Variants in EIF5A observed in about 807,000 individuals in gnomAD.
The protein encoded by EIF5A is eukaryotic translation initiation factor 5A, also known as eukaryotic translation initiation factor 5A-1.
A neutral mutation model predicts 16.6 loss-of-function variants in EIF5A; 1 was observed. The ratio of observed to expected loss-of-function variants is 0.06; its 90% CI spans 0.02 to 0.28. The LOEUF (loss-of-function observed/expected upper bound fraction) is 0.28, where lower values mean the gene tolerates loss of function less well. Ranked by LOEUF, EIF5A falls within the 10% of genes least tolerant of loss-of-function variation. EIF5A has a pLI of 1.00. For missense variants in EIF5A, 29 were observed against 196.1 expected (o/e 0.15, Z 5.09); for synonymous variants, 80 against 73.6 (o/e 1.09, Z -0.44).
At chr17:7,309,928 G>C (rs770813564) in intron 2 of EIF5A, 128 bp downstream of exon 2, 2 of 1,584,356 alleles carry the variant, frequency 1.3e-6, no homozygotes, top group Non-Finnish European at 1.7e-6. Flanking sequence ...TTTTTGTTTA[G>C]CGCTCAGCCT....
chr17:7,307,255 A>C, upstream of EIF5A: 1 of 1,212,900 alleles, frequency 8.2e-7, no homozygotes, highest in South Asian at 1.7e-5. Context: ...GGGGTTGTTT[A>C]GGATTCCGAA....
At chr17:7,309,492 G>C (rs1375571900) in intron 1 of EIF5A, 123 bp from the exon 2 acceptor site, 1 of 1,325,486 alleles carries the variant, frequency 7.5e-7, no homozygotes, top group Non-Finnish European at 1.0e-6. Context: ...CAGGAACTTT[G>C]ACTTTATTTT....
Position 7,311,717 on chromosome 17 carries a change from CTTAA to C in EIF5A, c.*11+69_*11+72del, listed in dbSNP as rs570486387. ...TTGTCCTCAGCAGAGCTGCTGTAGT[CTTAA>C]TTGTTTCAGGCTTACTTTCTGCCCC... On this transcript the variant is annotated intron_variant, in intron 5 of 5. Coordinates refer to ENST00000336458, the MANE Select transcript of EIF5A (RefSeq NM_001970.5). 1.7e-4 allele frequency: 278 copies of C among 1,595,716 alleles called. No homozygotes were observed. The East Asian group carries it at 2.5e-3, about 14-fold the overall frequency.
intron 1 of EIF5A, chr17:7,308,569 G>C (rs1394041609): frequency 7.4e-7 from 1 of 1,350,856 alleles, no homozygotes; most frequent in African/African-American, 1.5e-5. Flanking sequence ...GTGGCGGTCA[G>C]CCAGGTGTAA....
At chr17:7,307,974 G>C (rs959290164) in intron 1 of EIF5A, 4 of 985,232 alleles carry the variant, frequency 4.1e-6, no homozygotes, top group Non-Finnish European at 4.8e-6. Flanking sequence ...GACGCAGGGC[G>C]GGGGACGGCG....
intron 5 of EIF5A, 68 bp from the exon 6 acceptor site, chr17:7,311,754 G>A (rs1322368550): frequency 1.4e-6 from 2 of 1,428,712 alleles, no homozygotes; most frequent in East Asian, 2.4e-5. Context: ...CCCTAGCCTG[G>A]CTCTGTCCTC....
chr17:7,309,609 C>T lies in EIF5A; in HGVS notation c.-21-6C>T. The T allele has an allele frequency of 1.9e-6, 3 of 1,614,092 alleles. No homozygotes were observed. The highest frequency in any genetic ancestry group is 1.1e-5 in the South Asian group (1 of 91,086). ...TTATTCACTTCAGTTCTCTTCTTGG[C>T]TCTAGTTGGAATCGAAGCCTCTTAA... On this transcript the variant is annotated splice_region_variant and splice_polypyrimidine_tract_variant and intron_variant, in intron 1 of 5. Transcript: ENST00000336458.
At chr17:7,307,007 A>AGC, upstream of EIF5A, 1 of 1,545,700 alleles carries the variant, frequency 6.5e-7, no homozygotes, top group South Asian at 1.2e-5. Flanking sequence ...CGACCACACT[A>AGC]GCGCGCTAGA....
chr17:7,311,338 A>G lies in EIF5A; in HGVS notation c.271-12A>G, dbSNP rs761412582. ...CCTACTACCTTCAGCCTCCTTCCCT[A>G]TCTGCCCCCAGCTGATTGGCATCCA... On this transcript the variant is annotated splice_polypyrimidine_tract_variant and intron_variant, in intron 3 of 5. Coordinates refer to ENST00000336458, the MANE Select transcript of EIF5A (RefSeq NM_001970.5). 5 of 1,613,876 alleles carry G rather than the reference A, an allele frequency of 3.1e-6. No individual in the cohort carries two copies. In the African/African-American group the frequency reaches 4.0e-5, roughly 13 times the overall value.
In EIF5A at chr17:7,311,663, A is replaced by G; in HGVS notation, c.*11+12A>G. On this transcript the variant is annotated intron_variant, in intron 5 of 5. Transcript: ENST00000336458. The stretch of plus-strand genomic sequence containing the variant: ...TAACTGGCTCCCAGGTGAGTGTGAC[A>G]AATCCCTCACTGTCCCCTTCACATT... 7 of 1,613,986 alleles carry G rather than the reference A, an allele frequency of 4.3e-6. No individual in the cohort carries two copies. The highest frequency in any genetic ancestry group is 5.9e-6 in the Non-Finnish European group (7 of 1,180,022).
chr17:7,307,098 G>A (rs1243801208), upstream of EIF5A: 2 of 1,601,544 alleles, frequency 1.2e-6, no homozygotes, highest in Non-Finnish European at 8.5e-7. Context: ...ACCCCACAGA[G>A]CAAGTTTTCT....
At chr17:7,307,609 G>C, upstream of EIF5A, 1 of 1,023,468 alleles carries the variant, frequency 9.8e-7, no homozygotes, top group Non-Finnish European at 1.2e-6. Context: ...TGGTTGGTCA[G>C]TGGGGAGTCG....
intron 1 of EIF5A, 117 bp downstream of exon 1, chr17:7,307,869 C>T (rs1597613444): frequency 4.1e-6 from 4 of 982,812 alleles, no homozygotes; most frequent in Non-Finnish European, 4.8e-6. Context: ...CGCACGGGTT[C>T]GGCCAGAGAG....
intron 1 of EIF5A, 155 bp downstream of exon 1, chr17:7,307,907 G>C (rs1211215650): frequency 1.0e-6 from 1 of 984,246 alleles, no homozygotes; most frequent in Non-Finnish European, 1.2e-6. Flanking sequence ...AGGCGCGGGC[G>C]CGCGCCCCGG....
intron 1 of EIF5A, chr17:7,308,261 C>T (rs2072692023): frequency 1.9e-6 from 2 of 1,051,336 alleles, no homozygotes; most frequent in Non-Finnish European, 1.2e-6. Flanking sequence ...GGGAGGCTGC[C>T]CTCGGGGTCG....
At position 7,309,599 on chromosome 17, in the gene EIF5A, CTCT is replaced by C; in HGVS notation, c.-21-11_-21-9del. On this transcript the variant is annotated splice_polypyrimidine_tract_variant and intron_variant, in intron 1 of 5. Transcript: ENST00000336458. The stretch of plus-strand genomic sequence containing the variant: ...ACCTCCATGCTTATTCACTTCAGTT[CTCT>C]TCTTGGCTCTAGTTGGAATCGAAGC... 6.2e-7 allele frequency: 1 copy of C among 1,613,910 alleles called. No homozygotes were observed. The highest frequency in any genetic ancestry group is 8.5e-7 in the Non-Finnish European group (1 of 1,180,016).
intron 2 of EIF5A, chr17:7,310,171 G>C (rs1304262736): frequency 7.7e-7 from 1 of 1,295,276 alleles, no homozygotes; most frequent in African/African-American, 1.5e-5. Context: ...CCATCACGTT[G>C]CCCAGGGTTT....
Position 7,309,601 on chromosome 17 carries a change from C to T in EIF5A, c.-21-14C>T. 4 of 1,613,966 alleles carry T rather than the reference C, an allele frequency of 2.5e-6. No homozygotes were observed. The South Asian group carries it at 3.3e-5, about 13-fold the overall frequency. Reference sequence around the variant, plus strand: ...CTCCATGCTTATTCACTTCAGTTCTCTTCTTGGCTCTAGTTGGAATCGAAG... The same window carrying T: ...CTCCATGCTTATTCACTTCAGTTCTTTTCTTGGCTCTAGTTGGAATCGAAG... On this transcript the variant is annotated splice_polypyrimidine_tract_variant and intron_variant, in intron 1 of 5. Transcript: ENST00000336458.
In EIF5A at chr17:7,312,417, T is replaced by C. The variant is rs994505028; in HGVS notation, c.*607T>C. On this transcript the variant is annotated 3_prime_UTR_variant, in exon 6 of 6. Coordinates refer to ENST00000336458, the MANE Select transcript of EIF5A (RefSeq NM_001970.5). Reference sequence around the variant, plus strand: ...CGGGCTCTCTCCCCGACACATTTGTTAAAATCAAACCTGAATAAAACTACA... The same window carrying C: ...CGGGCTCTCTCCCCGACACATTTGTCAAAATCAAACCTGAATAAAACTACA... 6.1e-5 allele frequency: 16 copies of C among 264,344 alleles called. No homozygotes were observed. The highest frequency in any genetic ancestry group is 9.1e-5 in the African/African-American group (4 of 44,114). The allele number at this position is 264,344 out of a possible 1,614,324, so 16.4% of individuals were successfully genotyped here.
Sources: gnomAD v4.1 joint callset for allele counts on GRCh38, gnomAD v4.1.1 for gene constraint, MANE v1.5 for transcripts, NCBI Gene and HGNC (gene_info 2026-07-23, HGNC 2026-07-21) for gene names.